The following RCOR2 variants were observed in gnomAD, a reference collection of about 807,000 sequenced individuals.
The protein encoded by RCOR2 is REST corepressor 2.
RCOR2 carries 19 observed loss-of-function variants against 58.9 expected under a neutral mutation model. The observed-to-expected ratio is 0.32, with a 90% CI of 0.23 to 0.47. The LOEUF (loss-of-function observed/expected upper bound fraction) is 0.47. RCOR2 is among the 20% of genes least tolerant of loss of function. The probability of loss-of-function intolerance (pLI) is 1.00; values close to 1 mark genes in which losing one functional copy is unlikely to be tolerated. For missense variants in RCOR2, 590 were observed against 707.9 expected, an observed-to-expected ratio of 0.83 and a Z score of 1.89; for synonymous variants, 286 against 278.7, an observed-to-expected ratio of 1.03 and a Z score of -0.26.
chr11:63,919,845 A>C (rs2134251325), upstream of RCOR2, among the ~76,000 whole-genome samples: 1 of 152,252 alleles, frequency 6.6e-6, no homozygotes, highest in East Asian at 1.9e-4. Context: ...GCAGGCCAGG[A>C]CGCAGGCCGC....
At position 63,914,419 on chromosome 11, in the gene RCOR2, GTCT is replaced by G. The variant is rs756133307; in HGVS notation, c.600_602del (p.Glu200del). On this transcript the variant is annotated inframe_deletion, in exon 6 of 12. Transcript: ENST00000301459. ...CCAGTGCTTGCTCCTGCCCCCACCT[GTCT>G]TCTTTGTCCTTGCGGCCCCCCAGCC... is the stretch of plus-strand genomic sequence containing the variant. The G allele has an allele frequency of 1.2e-6, 2 of 1,613,390 alleles. No individual in the cohort carries two copies. The highest frequency in any genetic ancestry group is 1.7e-6 in the Non-Finnish European group (2 of 1,180,014).
Position 63,915,231 on chromosome 11 carries a change from T to A in RCOR2, c.212A>T (p.Glu71Val), listed in dbSNP as rs1941839160. 6.4e-7 allele frequency: 1 copy of A among 1,551,248 alleles called. No homozygotes were observed. Among genetic ancestry groups the A allele is most frequent in the Non-Finnish European group, 8.7e-7 (1 of 1,146,996 alleles). Residue 71 changes from glutamate to valine, a missense_variant, in exon 3 of 12, where the codon GAG (glutamate) becomes GTG (valine). Physicochemically the swap from Glu to Val is moderately radical, Grantham distance 121. Transcript: ENST00000301459. ...PESPARYSNK[E>V]LKGMLVWSPN... ...TGACCACACCAGCATCCCCTTCAGC[T>A]CCTTGTTGCTGTAGCGTGCGGGGCT...
chr11:63,915,147 C>A, intron 3 of RCOR2, 31 bp downstream of exon 3: 1 of 1,541,442 alleles, frequency 6.5e-7, no homozygotes, highest in African/African-American at 1.4e-5. Flanking sequence ...TGAACCCAAG[C>A]CCCCACCTCC....
the RCOR2 span, among the ~76,000 whole-genome samples, chr11:63,926,344 C>A: frequency 2.1e-4 from 32 of 152,180 alleles, no homozygotes; most frequent in Admixed American, 1.8e-3. Context: ...CAACACTATC[C>A]CACTTAACGA....
At position 63,911,945 on chromosome 11, in the gene RCOR2, G is replaced by C; in HGVS notation, c.1492C>G (p.Arg498Gly). The part of the protein sequence containing the change: ...PLIRPALAAP[R>G]HSARPGPQPP... The stretch of plus-strand genomic sequence containing the variant: ...TGAGGGCCAGGGCGGGCGCTGTGGC[G>C]GGGGGCAGCCAGAGCGGGGCGGATG... The change falls in exon 12 of 12, where the codon CGC (arginine) becomes GGC (glycine). Residue 498 changes from arginine (R) to glycine (G), a missense_variant. Coordinates refer to ENST00000301459, the MANE Select transcript of RCOR2 (RefSeq NM_173587.4). 1 of 1,323,718 alleles carries C rather than the reference G, an allele frequency of 7.6e-7. No individual in the cohort carries two copies. Among genetic ancestry groups the C allele is most frequent in the Middle Eastern group, 2.6e-4 (1 of 3,774 alleles). The allele number at this position is 1,323,718 out of a possible 1,614,324, so 82.0% of individuals were successfully genotyped here. A position where few individuals can be genotyped will look rare whatever the true frequency, so the allele number is the denominator to read the frequency against.
At chr11:63,913,360 A>AT (rs578247106) in intron 8 of RCOR2, among the ~76,000 whole-genome samples, 27 of 143,496 alleles carry the variant, frequency 1.9e-4, no homozygotes, top group East Asian at 6.2e-4. Flanking sequence ...CTAATTTTGT[A>AT]TTTTTTTTTA....
upstream of RCOR2, among the ~76,000 whole-genome samples, chr11:63,917,513 C>G (rs527533222): frequency 6.6e-6 from 1 of 152,260 alleles, no homozygotes; most frequent in Non-Finnish European, 1.5e-5. Context: ...GCCGCCTGCC[C>G]GCCCGCCCGG....
chr11:63,912,797 C>CA, intron 9 of RCOR2, 64 bp from the exon 10 acceptor site: 1 of 1,603,802 alleles, frequency 6.2e-7, no homozygotes, highest in Non-Finnish European at 8.5e-7. Flanking sequence ...CCCTGCTCCC[C>CA]AAGCAGTACT....
the RCOR2 span, among the ~76,000 whole-genome samples, chr11:63,926,489 CTT>C: frequency 6.6e-4 from 91 of 137,834 alleles, no homozygotes; most frequent in African/African-American, 2.3e-3. Context: ...CTCTCTCTCT[CTT>C]TTTTTTTTTT....
upstream of RCOR2, among the ~76,000 whole-genome samples, chr11:63,920,900 C>T (rs1178705149): frequency 6.6e-6 from 1 of 151,984 alleles, no homozygotes; most frequent in East Asian, 1.9e-4. Context: ...CCCCACCTCA[C>T]CCCCCACCCA....
chr11:63,921,143 A>G (rs935058030), upstream of RCOR2, among the ~76,000 whole-genome samples: 5 of 152,166 alleles, frequency 3.3e-5, no homozygotes, highest in African/African-American at 1.2e-4. Context: ...ATCCCTGGGG[A>G]AGGGTCAGCA....
the RCOR2 span, among the ~76,000 whole-genome samples, chr11:63,922,309 G>A: frequency 1.3e-5 from 2 of 152,160 alleles, no homozygotes; most frequent in South Asian, 4.1e-4. Context: ...TCAGCCTTCA[G>A]TCTGACCTCT....
chr11:63,916,249 T>C, intron 1 of RCOR2, 81 bp downstream of exon 1: 1 of 1,244,396 alleles, frequency 8.0e-7, no homozygotes, highest in Non-Finnish European at 1.1e-6. Context: ...AACAGGCTCG[T>C]GGTCTGCAAC....
upstream of RCOR2, among the ~76,000 whole-genome samples, chr11:63,921,046 G>A (rs1489259820): frequency 6.6e-6 from 1 of 152,238 alleles, no homozygotes. Context: ...GGGGGAGGAT[G>A]CAGCAGACCA....
chr11:63,926,970 A>G, the RCOR2 span, among the ~76,000 whole-genome samples: 1 of 151,842 alleles, frequency 6.6e-6, no homozygotes, highest in African/African-American at 2.4e-5. Flanking sequence ...TGCTAGGCGC[A>G]TGCCACCATG....
At position 63,914,487 on chromosome 11, in the gene RCOR2, T is replaced by C; in HGVS notation, c.535A>G (p.Thr179Ala). The C allele has an allele frequency of 6.2e-7, 1 of 1,613,742 alleles. No individual in the cohort carries two copies. Among genetic ancestry groups the C allele is most frequent in the Non-Finnish European group, 8.5e-7 (1 of 1,180,014 alleles). ...TCCATCACACTAGTTCGGCTGCGGG[T>C]CTTCTTCCAAGAGTAGTAGTATTTC... ...LVKYYYSWKK[T>A]RSRTSVMDRQ... The change falls in exon 6 of 12, where the codon ACC becomes GCC. Residue 179 changes from threonine to alanine, a missense_variant. This residue lies in a region of RCOR2 where 390 missense variants were observed against 478.7 expected (regional missense o/e 0.81). Transcript: ENST00000301459.
chr11:63,917,352 G>T (rs998935780), upstream of RCOR2, among the ~76,000 whole-genome samples: 2 of 152,110 alleles, frequency 1.3e-5, no homozygotes, highest in Admixed American at 1.3e-4. Context: ...CGCTGCGGGG[G>T]CTCCCCTCGC....
chr11:63,919,523 C>T (rs1453476764), upstream of RCOR2, among the ~76,000 whole-genome samples: 2 of 152,150 alleles, frequency 1.3e-5, no homozygotes, highest in Non-Finnish European at 2.9e-5. Context: ...CCACTTGTCC[C>T]CAGGTCAGAA....
upstream of RCOR2, among the ~76,000 whole-genome samples, chr11:63,921,138 T>A (rs923781265): frequency 6.6e-6 from 1 of 152,086 alleles, no homozygotes; most frequent in Non-Finnish European, 1.5e-5. Flanking sequence ...CTGACATCCC[T>A]GGGGAAGGGT....
Sources: gnomAD v4.1 joint callset for allele counts (sites outside exome capture counted in the v4.1 genomes callset) on GRCh38, gnomAD v4.1.1 for gene constraint, gnomAD v4.1.1 regional missense constraint, MANE v1.5 for transcripts, NCBI Gene and HGNC (gene_info 2026-07-23, HGNC 2026-07-21) for gene names.